Variants in NF2 observed in about 807,000 individuals in gnomAD.
NF2 encodes NF2, moesin-ezrin-radixin like (MERLIN) tumor suppressor.
NF2 carries 8 observed loss-of-function variants against 83.7 expected under a neutral mutation model. The observed-to-expected ratio is 0.10, with a 90% CI of 0.06 to 0.17. The LOEUF is 0.17. Among genes scored for constraint, NF2 ranks in the 10% least tolerant of loss-of-function variants. The pLI is 1.00. For missense variants in NF2, 533 were observed against 744.4 expected, an observed-to-expected ratio of 0.72 and a Z score of 3.31; for synonymous variants, 266 against 269.6, an observed-to-expected ratio of 0.99 and a Z score of 0.13.
chr22:29,670,236 A>G (rs1314543666), intron 10 of NF2, among the ~76,000 whole-genome samples: 1 of 152,104 alleles, frequency 6.6e-6, no homozygotes, highest in African/African-American at 2.4e-5. Context: ...GGGCTCAAAC[A>G]TTCCTCCTAC....
Position 29,697,266 on chromosome 22 carries a change from G to A in NF2, c.*2464G>A, listed in dbSNP as rs185127651. Reference sequence around the variant, plus strand: ...GGCTTTGTTTCCTTCTTTAGCTGCCGTGTCTACTTCTGAAGTCTGGGAAGT... The same window carrying A: ...GGCTTTGTTTCCTTCTTTAGCTGCCATGTCTACTTCTGAAGTCTGGGAAGT... On this transcript the variant is annotated 3_prime_UTR_variant, in exon 16 of 16. Coordinates refer to ENST00000338641, the MANE Select transcript of NF2 (RefSeq NM_000268.4). 55 of 204,990 alleles carry A rather than the reference G, an allele frequency of 2.7e-4. No individual in the cohort carries two copies. The highest frequency in any genetic ancestry group is 2.7e-3 in the South Asian group (14 of 5,274). 12.7% of individuals were successfully genotyped at this position (204,990 alleles called of 1,614,324 possible).
rs1013773556 is a variant in NF2 at position 29,694,032 on chromosome 22, C to G, written c.1738-720C>G. Among the ~76,000 whole-genome samples the G allele has an allele frequency of 6.6e-6, 1 of 152,190 alleles. No individual in the cohort carries two copies. The highest frequency in any genetic ancestry group is 2.4e-5 in the African/African-American group (1 of 41,452). On this transcript the variant is annotated intron_variant, in intron 15 of 15. Transcript: ENST00000338641. The surrounding 1 kb of genome is among the most constrained non-coding windows in gnomAD (Gnocchi z 4.1). ...TGCAAACCTCACTATGCCAAGAGCT[C>G]GGTCCCTGATCCACCCCATCCCCTT...
chr22:29,676,173 A>AT lies in NF2; in HGVS notation c.1446+1243dup, dbSNP rs909077491. 7.5e-3 allele frequency among the ~76,000 whole-genome samples: 1,092 copies of AT among 145,158 alleles called. 14 individuals are homozygous for AT. The highest frequency in any genetic ancestry group is 0.024 in the African/African-American group (964 of 39,692). ...GTTTTTATTTTTTATTTTATTTATT[A>AT]TTTTTTTTTTTAGAGAGAGAGAGTT... On this transcript the variant is annotated intron_variant, in intron 13 of 15. Coordinates refer to ENST00000338641, the MANE Select transcript of NF2 (RefSeq NM_000268.4).
intron 1 of NF2, among the ~76,000 whole-genome samples, chr22:29,619,382 T>G (rs956911041): frequency 6.9e-6 from 1 of 144,934 alleles, no homozygotes; most frequent in Admixed American, 7.0e-5. Flanking sequence ...CTCCCATGGG[T>G]TTTTTTTGTT....
At chr22:29,674,732 A>C (rs2066908325) in intron 12 of NF2, 104 bp from the exon 13 acceptor site, 1 of 940,302 alleles carries the variant, frequency 1.1e-6, no homozygotes, top group South Asian at 1.4e-5. Context: ...TTTGGGTGCC[A>C]TCCTCAGGGT....
At chr22:29,684,736 G>A (rs987738827) in intron 15 of NF2, among the ~76,000 whole-genome samples, 1 of 152,144 alleles carries the variant, frequency 6.6e-6, no homozygotes, top group African/African-American at 2.4e-5. Flanking sequence ...TAAAAGCAGG[G>A]ACTTGATGTT....
At chr22:29,669,804 A>T (rs2066727854) in intron 10 of NF2, among the ~76,000 whole-genome samples, 1 of 152,328 alleles carries the variant, frequency 6.6e-6, no homozygotes, top group East Asian at 1.9e-4. Context: ...GAGTAAGTCA[A>T]TGACTTACCT....
intron 15 of NF2, among the ~76,000 whole-genome samples, chr22:29,686,870 C>T (rs539854061): frequency 1.3e-5 from 2 of 152,198 alleles, no homozygotes; most frequent in East Asian, 1.9e-4. Flanking sequence ...TCAGTGGGAG[C>T]GACACGTGTC....
chr22:29,604,318 T>C (rs949486864), intron 1 of NF2, among the ~76,000 whole-genome samples: 2 of 152,226 alleles, frequency 1.3e-5, no homozygotes, highest in Non-Finnish European at 2.9e-5. Flanking sequence ...TTTCATTCAT[T>C]GTTATTGGAA....
intron 4 of NF2, among the ~76,000 whole-genome samples, chr22:29,651,453 A>T (rs1181396221): frequency 6.6e-6 from 1 of 152,218 alleles, no homozygotes; most frequent in Admixed American, 6.5e-5. Context: ...GAGACCTGAA[A>T]TCCAAGCTTC....
At chr22:29,628,399 G>T (rs1008887833) in intron 1 of NF2, among the ~76,000 whole-genome samples, 1 of 152,134 alleles carries the variant, frequency 6.6e-6, no homozygotes, top group Non-Finnish European at 1.5e-5. Context: ...GCTGACATGG[G>T]AGGACATAGG....
chr22:29,681,605 C>T lies in NF2; in HGVS notation c.1737+4C>T, dbSNP rs2147123800. 3.1e-6 allele frequency: 5 copies of T among 1,613,828 alleles called. No homozygotes were observed. The highest frequency in any genetic ancestry group is 4.2e-6 in the Non-Finnish European group (5 of 1,179,932). ...CAAGCACAATACCATTAAAAAGGTA[C>T]CCAGGGTCTCTTTCTTGTATTTTGC... is the stretch of plus-strand genomic sequence containing the variant. On this transcript the variant is annotated splice_donor_region_variant and intron_variant, in intron 15 of 15. Transcript: ENST00000338641.
At chr22:29,674,692 T>C in intron 12 of NF2, 144 bp from the exon 13 acceptor site, 1 of 712,434 alleles carries the variant, frequency 1.4e-6, no homozygotes. Context: ...TTCATGTAAA[T>C]ATCCCTGTCT....
intron 4 of NF2, among the ~76,000 whole-genome samples, chr22:29,650,134 TTAGA>T (rs139696409): frequency 0.031 from 4,659 of 152,260 alleles, 266 homozygotes; most frequent in African/African-American, 0.11. Context: ...TGTTCTGGAA[TTAGA>T]TAGTGGTGAT....
At chr22:29,616,692 A>C (rs1324217958) in intron 1 of NF2, among the ~76,000 whole-genome samples, 2 of 151,270 alleles carry the variant, frequency 1.3e-5, no homozygotes, top group Non-Finnish European at 2.9e-5. Context: ...TGGTGAGCTG[A>C]GATCACGCCG....
chr22:29,661,187 T>C lies in NF2; in HGVS notation c.676-18T>C. The C allele has an allele frequency of 6.2e-7, 1 of 1,614,176 alleles. No individual in the cohort carries two copies. Among genetic ancestry groups the C allele is most frequent in the Non-Finnish European group, 8.5e-7 (1 of 1,180,016 alleles). Reference sequence around the variant, plus strand: ...CCTCAGCTGGCGCTTACAGTAGCTGTTCTTATTGGATCCACAGAATAAAAA... The same window carrying C: ...CCTCAGCTGGCGCTTACAGTAGCTGCTCTTATTGGATCCACAGAATAAAAA... On this transcript the variant is annotated intron_variant, in intron 7 of 15. Transcript: ENST00000338641.
rs534317366 is a variant in NF2 at position 29,695,991 on chromosome 22, C to T, written c.*1189C>T. 34 of 233,308 alleles carry T rather than the reference C, an allele frequency of 1.5e-4. No individual in the cohort carries two copies. The South Asian group carries it at 5.4e-3, about 37-fold the overall frequency. 14.5% of individuals were successfully genotyped at this position (233,308 alleles called of 1,614,324 possible). On this transcript the variant is annotated 3_prime_UTR_variant, in exon 16 of 16. Coordinates refer to ENST00000338641, the MANE Select transcript of NF2 (RefSeq NM_000268.4). This position sits in a 1 kb window ranked among gnomAD's most constrained non-coding sequence, Gnocchi z 5.4. The stretch of plus-strand genomic sequence containing the variant: ...CCTAGGCTGTCACAGGACCCACCTC[C>T]ATGCCAGGCAACAGAGGGCCACAGA...
chr22:29,618,117 A>T (rs2146744044), intron 1 of NF2, among the ~76,000 whole-genome samples: 1 of 152,316 alleles, frequency 6.6e-6, no homozygotes, highest in Admixed American at 6.5e-5. Flanking sequence ...ACCTCACTGA[A>T]CCTCAGATTT....
intron 1 of NF2, among the ~76,000 whole-genome samples, chr22:29,606,311 T>C (rs1486902112): frequency 5.9e-5 from 9 of 152,204 alleles, no homozygotes; most frequent in Admixed American, 5.9e-4. Context: ...GACTGTACCT[T>C]GGACATGACA....
Sources: gnomAD v4.1 joint callset for allele counts (sites outside exome capture counted in the v4.1 genomes callset) on GRCh38, gnomAD v4.1.1 for gene constraint, Gnocchi (gnomAD v3.1) non-coding constraint, MANE v1.5 for transcripts, NCBI Gene and HGNC (gene_info 2026-07-23, HGNC 2026-07-21) for gene names.